The following EIF4E1B variants were observed in gnomAD, a reference collection of about 807,000 sequenced individuals.
EIF4E1B encodes eukaryotic translation initiation factor 4E type 1B.
EIF4E1B carries 22 observed loss-of-function variants against 31.3 expected under a neutral mutation model. That is an observed-to-expected ratio of 0.70 (90% CI 0.50 to 1.00). EIF4E1B has a LOEUF of 1.00. EIF4E1B is among the 50% of genes least tolerant of loss of function. The pLI is 0.00. For synonymous variants in EIF4E1B, 126 were observed against 120.2 expected, an observed-to-expected ratio of 1.05 and a Z score of -0.31; for missense variants, 290 against 311.6, an observed-to-expected ratio of 0.93 and a Z score of 0.52.
At chr5:176,642,861 C>CTCCCCG (rs1554151075) in intron 3 of EIF4E1B, 59 bp downstream of exon 3, 2 of 1,123,510 alleles carry the variant, frequency 1.8e-6, no homozygotes, top group African/African-American at 2.2e-5. Context: ...TCCCCCCCCC[C>CTCCCCG]CCCCGCCCCA....
In EIF4E1B at chr5:176,643,217, ACGGGG is replaced by A; in HGVS notation, c.152_156del (p.Thr51ArgfsTer24). 1 of 1,613,126 alleles carries A rather than the reference ACGGGG, an allele frequency of 6.2e-7. No homozygotes were observed. The highest frequency in any genetic ancestry group is 8.5e-7 in the Non-Finnish European group (1 of 1,179,852). ...GCTGTCTCTGAGAGGGAAGGCCCGGACGGGGGGCCCCATGGAAGTCAAGCTGGAGC... is the reference window on the plus strand; with the variant it reads ...GCTGTCTCTGAGAGGGAAGGCCCGGAGGCCCCATGGAAGTCAAGCTGGAGC... On this transcript the variant is annotated frameshift_variant, in exon 4 of 9. Coordinates refer to ENST00000318682, the MANE Select transcript of EIF4E1B (RefSeq NM_001099408.2). LOFTEE classifies it high-confidence loss of function.
intron 1 of EIF4E1B, among the ~76,000 whole-genome samples, chr5:176,632,497 C>A (rs990788138): frequency 3.3e-5 from 5 of 152,200 alleles, no homozygotes; most frequent in Admixed American, 2.6e-4. Flanking sequence ...CACAAGTGAT[C>A]GGCCCACCTA....
intron 2 of EIF4E1B, among the ~76,000 whole-genome samples, chr5:176,642,499 A>G (rs1760595742): frequency 6.6e-6 from 1 of 152,166 alleles, no homozygotes; most frequent in African/African-American, 2.4e-5. Flanking sequence ...AAAAACAAAC[A>G]AACAAAAAAA....
At chr5:176,639,053 G>A (rs1419639238) in intron 1 of EIF4E1B, among the ~76,000 whole-genome samples, 2 of 152,128 alleles carry the variant, frequency 1.3e-5, no homozygotes, top group African/African-American at 4.8e-5. Flanking sequence ...CACTGGCCTC[G>A]GCCTCCCAAA....
rs1760683858 is a variant in EIF4E1B, at chr5:176,645,595, T to TG, written c.614+82dup. ...GTGGGTGGAGGGGGCTTGGCCTGCA[T>TG]GGGAGACCTCTGAAAGTCTCCATAG... is the stretch of plus-strand genomic sequence containing the variant. On this transcript the variant is annotated intron_variant, in intron 8 of 8. Transcript: ENST00000318682. The surrounding 1 kb of genome is among the most constrained non-coding windows in gnomAD (Gnocchi z 5.4). 2.8e-6 allele frequency: 4 copies of TG among 1,451,184 alleles called. No individual in the cohort carries two copies. In the South Asian group the frequency reaches 6.2e-5, roughly 23 times the overall value. 89.9% of individuals were successfully genotyped at this position (1,451,184 alleles called of 1,614,324 possible).
rs1291277879 is a variant in EIF4E1B, at chr5:176,645,096, C to T, written c.361-34C>T. 6.6e-7 allele frequency: 1 copy of T among 1,526,508 alleles called. No homozygotes were observed. The highest frequency in any genetic ancestry group is 8.9e-7 in the Non-Finnish European group (1 of 1,126,178). The allele number at this position is 1,526,508 out of a possible 1,614,324, so 94.6% of individuals were successfully genotyped here. Reference sequence around the variant, plus strand: ...GTGGGTCCCCATTTCCCTTTGAACACAGGGAGGCAGTTGACTTGCCATCTG... The same window carrying T: ...GTGGGTCCCCATTTCCCTTTGAACATAGGGAGGCAGTTGACTTGCCATCTG... On this transcript the variant is annotated intron_variant, in intron 6 of 8. Coordinates refer to ENST00000318682, the MANE Select transcript of EIF4E1B (RefSeq NM_001099408.2). This position sits in a 1 kb window ranked among gnomAD's most constrained non-coding sequence, Gnocchi z 5.4.
chr5:176,631,992 G>T (rs1004605624), intron 1 of EIF4E1B, among the ~76,000 whole-genome samples: 7 of 152,204 alleles, frequency 4.6e-5, no homozygotes, highest in African/African-American at 1.4e-4. Flanking sequence ...TGGCAAAGAT[G>T]AGCTAGACCC....
chr5:176,645,926 T>A lies in EIF4E1B; in HGVS notation c.675T>A (p.His225Gln). The A allele has an allele frequency of 6.2e-7, 1 of 1,610,344 alleles. No homozygotes were observed. Among genetic ancestry groups the A allele is most frequent in the South Asian group, 1.1e-5 (1 of 90,248 alleles). ...AGACCATCATTGGGTACCAGGCCCA[T>A]GCAGACACAGCCACCAAGAGCAACT... ...SPKTIIGYQA[H>Q]ADTATKSNSL... Residue 225 changes from histidine (H) to glutamine (Q), a missense_variant, in exon 9 of 9, where the codon CAT becomes CAA. Physicochemically the swap from His to Gln is conservative, Grantham distance 24. Transcript: ENST00000318682. This position sits in a 1 kb window ranked among gnomAD's most constrained non-coding sequence, Gnocchi z 5.4.
intron 2 of EIF4E1B, 25 bp from the exon 3 acceptor site, chr5:176,642,685 T>C: frequency 6.6e-7 from 1 of 1,521,002 alleles, no homozygotes; most frequent in African/African-American, 1.4e-5. Context: ...TCGAGCAGGC[T>C]CCAAATATTG....
At position 176,642,731 on chromosome 5, in the gene EIF4E1B, G is replaced by C; in HGVS notation, c.-57G>C. The C allele has an allele frequency of 6.4e-7, 1 of 1,552,962 alleles. No homozygotes were observed. Among genetic ancestry groups the C allele is most frequent in the Non-Finnish European group, 8.7e-7 (1 of 1,148,036 alleles). On this transcript the variant is annotated 5_prime_UTR_variant, in exon 3 of 9. Coordinates refer to ENST00000318682, the MANE Select transcript of EIF4E1B (RefSeq NM_001099408.2). The stretch of plus-strand genomic sequence containing the variant: ...TCAGGTCTTGGCCCCCATGGTGTGG[G>C]GCTTGGTCACAGCTGCTTCCCCAGC...
intron 1 of EIF4E1B, among the ~76,000 whole-genome samples, chr5:176,634,036 G>A (rs966359528): frequency 6.6e-6 from 1 of 152,110 alleles, no homozygotes; most frequent in African/African-American, 2.4e-5. Context: ...CTTATTAGGT[G>A]TTATGGGAGA....
chr5:176,636,532 C>T (rs746692640), intron 1 of EIF4E1B, among the ~76,000 whole-genome samples: 67 of 152,326 alleles, frequency 4.4e-4, no homozygotes, highest in Non-Finnish European at 8.2e-4. Flanking sequence ...CTGGGGATTC[C>T]AGCCCCGCCT....
Position 176,643,648 on chromosome 5 carries a change from G to A in EIF4E1B, c.210G>A (p.Leu70=), listed in dbSNP as rs1439714056. ...ELHPLQNRWA[L]WFFKNDRSRA... ...CCCCTTCCCCTACCAGGTGGGCTCT[G>A]TGGTTCTTCAAGAATGACCGCAGCC... is the stretch of plus-strand genomic sequence containing the variant. Residue 70 remains leucine, a synonymous_variant, in exon 5 of 9, where the codon CTG becomes CTA. Coordinates refer to ENST00000318682, the MANE Select transcript of EIF4E1B (RefSeq NM_001099408.2). 1.7e-5 allele frequency: 27 copies of A among 1,608,436 alleles called. No homozygotes were observed. The highest frequency in any genetic ancestry group is 2.3e-5 in the Non-Finnish European group (27 of 1,177,454).
At position 176,646,129 on chromosome 5, in the gene EIF4E1B, G is replaced by A. The variant is rs992878067; in HGVS notation, c.*149G>A. 3.2e-5 allele frequency: 22 copies of A among 693,842 alleles called. No individual in the cohort carries two copies. The highest frequency in any genetic ancestry group is 7.4e-6 in the Non-Finnish European group (3 of 408,160). The allele number at this position is 693,842 out of a possible 1,614,324, so 43.0% of individuals were successfully genotyped here. A position where few individuals can be genotyped will look rare whatever the true frequency, so the allele number is the denominator to read the frequency against. On this transcript the variant is annotated 3_prime_UTR_variant, in exon 9 of 9. Coordinates refer to ENST00000318682, the MANE Select transcript of EIF4E1B (RefSeq NM_001099408.2). ...TGCAAACACTCTTTAACATGAGTTG[G>A]GGCCTGAGCCTTAGGGGCTAGATGG...
In EIF4E1B at chr5:176,642,699, C is replaced by T; in HGVS notation, c.-78-11C>T. 2 of 1,536,876 alleles carry T rather than the reference C, an allele frequency of 1.3e-6. No individual in the cohort carries two copies. The highest frequency in any genetic ancestry group is 1.8e-6 in the Non-Finnish European group (2 of 1,138,684). On this transcript the variant is annotated splice_polypyrimidine_tract_variant and intron_variant, in intron 2 of 8. Transcript: ENST00000318682. ...TTCGAGCAGGCTCCAAATATTGACG[C>T]TTACCTTCAGGTCTTGGCCCCCATG...
chr5:176,643,741 G>T lies in EIF4E1B; in HGVS notation c.296+7G>T. The T allele has an allele frequency of 6.2e-7, 1 of 1,610,352 alleles. No homozygotes were observed. Among genetic ancestry groups the T allele is most frequent in the East Asian group, 2.2e-5 (1 of 44,754 alleles). On this transcript the variant is annotated splice_region_variant and intron_variant, in intron 5 of 8. Transcript: ENST00000318682. ...CTGTGGAGGACTTCTGGGCGTGAGT[G>T]TCTGTCCCCAGTGGGGCTAGAGTTG...
intron 1 of EIF4E1B, among the ~76,000 whole-genome samples, chr5:176,632,308 T>C (rs1760414901): frequency 6.6e-6 from 1 of 152,146 alleles, no homozygotes; most frequent in Non-Finnish European, 1.5e-5. Context: ...CAGGCTGGAG[T>C]GCAGTGGTGC....
At chr5:176,642,510 C>T (rs1402827125) in intron 2 of EIF4E1B, among the ~76,000 whole-genome samples, 200 bp from the exon 3 acceptor site, 1 of 152,178 alleles carries the variant, frequency 6.6e-6, no homozygotes, top group Admixed American at 6.5e-5. Flanking sequence ...AACAAAAAAA[C>T]TCAGGTGCTT....
chr5:176,639,551 G>T (rs1383606529), intron 1 of EIF4E1B, among the ~76,000 whole-genome samples: 1 of 152,162 alleles, frequency 6.6e-6, no homozygotes, highest in African/African-American at 2.4e-5. Context: ...GCTGGGCTCT[G>T]GGCCACAGCT....
Sources: allele counts gnomAD v4.1 joint callset (sites outside exome capture counted in the v4.1 genomes callset), GRCh38; gene constraint gnomAD v4.1.1; non-coding constraint Gnocchi (gnomAD v3.1); transcripts MANE v1.5; gene names NCBI Gene and HGNC (gene_info 2026-07-23, HGNC 2026-07-21).